CPA6: variants seen among roughly 807,000 people sequenced by gnomAD.
CPA6 encodes carboxypeptidase B.
Under a neutral mutation model 63.3 loss-of-function variants are expected in CPA6, and 58 were observed. The observed-to-expected ratio is 0.92, with a 90% CI of 0.74 to 1.14. CPA6 has a LOEUF of 1.14. CPA6 is among the 50% of genes most tolerant of loss of function. The pLI is 0.00. For synonymous variants in CPA6, 185 were observed against 179.0 expected (o/e 1.03, Z -0.27); for missense variants, 565 against 526.6 (o/e 1.07, Z -0.71).
At chr8:67,737,414 T>C (rs1817834032) in intron 1 of CPA6, among the ~76,000 whole-genome samples, 1 of 152,206 alleles carries the variant, frequency 6.6e-6, no homozygotes, top group Admixed American at 6.5e-5. Flanking sequence ...AGTCAAAATA[T>C]CTTGCATATT....
At chr8:67,516,239 C>T (rs112769961) in intron 3 of CPA6, among the ~76,000 whole-genome samples, 52 of 152,310 alleles carry the variant, frequency 3.4e-4, no homozygotes, top group African/African-American at 1.2e-3. Context: ...CTTCATTCAT[C>T]CAGAAAATTT....
intron 8 of CPA6, among the ~76,000 whole-genome samples, chr8:67,475,307 G>T (rs1316065525): frequency 6.6e-6 from 1 of 152,184 alleles, no homozygotes; most frequent in South Asian, 2.1e-4. Flanking sequence ...CCATCATCAA[G>T]AAGTCAGGCC....
intron 9 of CPA6, among the ~76,000 whole-genome samples, chr8:67,433,692 A>C (rs1810078817): frequency 6.6e-6 from 1 of 152,222 alleles, no homozygotes; most frequent in South Asian, 2.1e-4. Context: ...TGTGGTAAGA[A>C]TGTAAATAGG....
intron 1 of CPA6, among the ~76,000 whole-genome samples, chr8:67,699,627 G>T: frequency 6.7e-6 from 1 of 148,514 alleles, no homozygotes; most frequent in South Asian, 2.1e-4. Context: ...CACTCTTGTT[G>T]CCCAGGCTGG....
chr8:67,459,366 A>T (rs1485510757), intron 8 of CPA6, among the ~76,000 whole-genome samples: 1 of 152,168 alleles, frequency 6.6e-6, no homozygotes, highest in African/African-American at 2.4e-5. Flanking sequence ...AGCAACCAAG[A>T]TGTCCTTTAG....
At chr8:67,675,760 A>C (rs1031787181) in intron 1 of CPA6, among the ~76,000 whole-genome samples, 2 of 152,200 alleles carry the variant, frequency 1.3e-5, no homozygotes, top group Admixed American at 6.5e-5. Context: ...TTATCTACTC[A>C]AAGGCCTCAT....
At chr8:67,641,962 G>T (rs990735294) in intron 1 of CPA6, among the ~76,000 whole-genome samples, 3 of 152,130 alleles carry the variant, frequency 2.0e-5, no homozygotes, top group Admixed American at 2.0e-4. Context: ...TAAAATGTAA[G>T]GTACCTAGCA....
chr8:67,719,589 C>A (rs891505796), intron 1 of CPA6, among the ~76,000 whole-genome samples: 2 of 152,028 alleles, frequency 1.3e-5, no homozygotes, highest in South Asian at 2.1e-4. Flanking sequence ...AAGGCACTTT[C>A]GGAAGATTAA....
At chr8:67,742,128 T>TTGTGTGTG (rs10684467) in intron 1 of CPA6, among the ~76,000 whole-genome samples, 2 of 150,568 alleles carry the variant, frequency 1.3e-5, no homozygotes, top group Non-Finnish European at 3.0e-5. Context: ...TGTTCTACTT[T>TTGTGTGTG]TGTGTGTGTG....
chr8:67,518,937 C>T (rs901194678), intron 2 of CPA6, among the ~76,000 whole-genome samples: 1 of 152,138 alleles, frequency 6.6e-6, no homozygotes, highest in Non-Finnish European at 1.5e-5. Flanking sequence ...GGGTAGGTCT[C>T]CTTGTCATAG....
intron 2 of CPA6, chr8:67,569,315 G>T (rs1809438): frequency 0.4 from 69,635 of 175,972 alleles, 14,859 homozygotes; most frequent in East Asian, 0.54. Flanking sequence ...GAGACAGTAG[G>T]ATAACATATT....
chr8:67,489,572 A>G (rs375272737), intron 6 of CPA6, among the ~76,000 whole-genome samples: 6 of 152,032 alleles, frequency 3.9e-5, no homozygotes, highest in African/African-American at 1.4e-4. Flanking sequence ...TTTTTAACAG[A>G]TTATTTGGTA....
chr8:67,628,381 T>C (rs990769103), intron 1 of CPA6, among the ~76,000 whole-genome samples: 1 of 152,238 alleles, frequency 6.6e-6, no homozygotes, highest in African/African-American at 2.4e-5. Context: ...AGATGTTTCC[T>C]TGTGGCTCCT....
chr8:67,478,950 G>C lies in CPA6; in HGVS notation c.838+4818C>G, dbSNP rs145303682. The stretch of plus-strand genomic sequence containing the variant: ...GCAGGACAATCGCTTGAACCCGGGA[G>C]GCAGAGTTTGCAGTAAATTGAGATC... On this transcript the variant is annotated intron_variant, in intron 8 of 10. Transcript: ENST00000297770. Among the ~76,000 whole-genome samples the C allele has an allele frequency of 5.6e-3, 850 of 152,282 alleles. 1 individual carries two copies. Among genetic ancestry groups the C allele is most frequent in the Middle Eastern group, 0.01 (3 of 294 alleles).
At chr8:67,664,630 G>T (rs1280872074) in intron 1 of CPA6, among the ~76,000 whole-genome samples, 1 of 151,954 alleles carries the variant, frequency 6.6e-6, no homozygotes, top group African/African-American at 2.4e-5. Context: ...AACCATTTGG[G>T]CCTAAGACTG....
chr8:67,719,978 C>T (rs920372105), intron 1 of CPA6, among the ~76,000 whole-genome samples: 7 of 152,020 alleles, frequency 4.6e-5, no homozygotes, highest in East Asian at 1.9e-4. Flanking sequence ...CATGCGCGTC[C>T]GTGTGAAGAG....
intron 2 of CPA6, among the ~76,000 whole-genome samples, chr8:67,541,259 C>T (rs948635072): frequency 3.3e-5 from 5 of 152,096 alleles, no homozygotes; most frequent in Admixed American, 2.0e-4. Flanking sequence ...CCATCCCTCA[C>T]GGCACAGTCC....
chr8:67,719,721 T>C (rs1236878565), intron 1 of CPA6, among the ~76,000 whole-genome samples: 1 of 151,956 alleles, frequency 6.6e-6, no homozygotes, highest in East Asian at 1.9e-4. Flanking sequence ...AATGAAGCCC[T>C]GGGAAGAAAT....
At chr8:67,542,305 T>A (rs891449475) in intron 2 of CPA6, among the ~76,000 whole-genome samples, 2 of 152,216 alleles carry the variant, frequency 1.3e-5, no homozygotes, top group African/African-American at 2.4e-5. Context: ...TTACAACAGT[T>A]TTGAAGACAC....
Sources: gnomAD v4.1 joint callset for allele counts (sites outside exome capture counted in the v4.1 genomes callset) on GRCh38, gnomAD v4.1.1 for gene constraint, MANE v1.5 for transcripts, NCBI Gene and HGNC (gene_info 2026-07-23, HGNC 2026-07-21) for gene names.